Variants in XKR7 observed in about 807,000 individuals in gnomAD.
The protein encoded by XKR7 is XK related 7.
XKR7 carries 11 observed loss-of-function variants against 42.2 expected under a neutral mutation model. The ratio of observed to expected loss-of-function variants is 0.26; its 90% confidence interval spans 0.16 to 0.43. The LOEUF is 0.43. XKR7 is among the 20% of genes least tolerant of loss of function. The probability of loss-of-function intolerance (pLI) is 1.00; values close to 1 mark genes in which losing one functional copy is unlikely to be tolerated. For missense variants in XKR7, 710 were observed against 802.2 expected, an observed-to-expected ratio of 0.89 and a Z score of 1.39; for synonymous variants, 346 against 366.4, an observed-to-expected ratio of 0.94 and a Z score of 0.64.
chr20:31,987,765 A>G (rs963881420), intron 1 of XKR7, among the ~76,000 whole-genome samples: 3 of 152,234 alleles, frequency 2.0e-5, no homozygotes, highest in Admixed American at 6.5e-5. Flanking sequence ...TCTGGCATCC[A>G]GGGGACAGAG....
chr20:31,990,396 C>T (rs1386456736), intron 1 of XKR7, among the ~76,000 whole-genome samples: 3 of 152,124 alleles, frequency 2.0e-5, no homozygotes, highest in African/African-American at 7.2e-5. Flanking sequence ...GAGAGACTAC[C>T]CAAGGTCACA....
intron 1 of XKR7, among the ~76,000 whole-genome samples, chr20:31,979,870 C>T (rs1203325722): frequency 6.6e-6 from 1 of 152,044 alleles, no homozygotes; most frequent in Non-Finnish European, 1.5e-5. Flanking sequence ...GGGTTTTAGT[C>T]TCTTCTCTGC....
intron 1 of XKR7, among the ~76,000 whole-genome samples, chr20:31,974,799 C>A (rs1225369133): frequency 6.6e-6 from 1 of 152,136 alleles, no homozygotes; most frequent in Non-Finnish European, 1.5e-5. Context: ...GATTACAGTC[C>A]CCTGAACTCA....
chr20:31,971,184 C>G (rs937823391), intron 1 of XKR7, among the ~76,000 whole-genome samples: 10 of 138,632 alleles, frequency 7.2e-5, no homozygotes, highest in African/African-American at 2.8e-4. Flanking sequence ...TGGGTGAGGA[C>G]GGGAACAGTG....
chr20:31,989,169 T>C (rs1033042734), intron 1 of XKR7, among the ~76,000 whole-genome samples: 33 of 152,076 alleles, frequency 2.2e-4, no homozygotes, highest in Middle Eastern at 3.4e-3. Context: ...TGAGAAGGTG[T>C]GAGCTGATGA....
intron 1 of XKR7, among the ~76,000 whole-genome samples, chr20:31,975,066 C>T (rs577069124): frequency 1.6e-3 from 239 of 152,282 alleles, no homozygotes; most frequent in African/African-American, 5.6e-3. Flanking sequence ...GGGCGGAGGG[C>T]TGCCAGGAAA....
rs964066477 is a variant in XKR7 at position 31,999,921 on chromosome 20, C to G, written c.*2464C>G. ...TACACTCCAGGAGACTCCCAAGGGG[C>G]AGGGATGTGCTGGCAGGGCTTGGCA... On this transcript the variant is annotated 3_prime_UTR_variant, in exon 3 of 3. Coordinates refer to ENST00000562532, the MANE Select transcript of XKR7 (RefSeq NM_001011718.2). The G allele has an allele frequency of 6.6e-6, 1 of 152,282 alleles. No homozygotes were observed. Among genetic ancestry groups the G allele is most frequent in the Non-Finnish European group, 1.5e-5 (1 of 68,132 alleles). 9.4% of individuals were successfully genotyped at this position (152,282 alleles called of 1,614,324 possible). A position where few individuals can be genotyped will look rare whatever the true frequency, so the allele number is the denominator to read the frequency against.
chr20:31,988,176 C>G (rs949674534), intron 1 of XKR7, among the ~76,000 whole-genome samples: 1 of 152,134 alleles, frequency 6.6e-6, no homozygotes, highest in Non-Finnish European at 1.5e-5. Flanking sequence ...GACTCAGGAA[C>G]GAAGAACAGG....
At chr20:31,996,403 T>C in intron 2 of XKR7, 102 bp from the exon 3 acceptor site, 2 of 876,974 alleles carry the variant, frequency 2.3e-6, no homozygotes, top group Non-Finnish European at 3.3e-6. Flanking sequence ...CTCACGCCTC[T>C]TCAAAACCCA....
chr20:31,977,081 G>A (rs1028521708), intron 1 of XKR7, among the ~76,000 whole-genome samples: 2 of 152,198 alleles, frequency 1.3e-5, no homozygotes, highest in East Asian at 3.8e-4. Context: ...GGTCTGTTAG[G>A]CCTACATCCA....
chr20:31,989,262 T>C (rs905606681), intron 1 of XKR7, among the ~76,000 whole-genome samples: 4 of 125,492 alleles, frequency 3.2e-5, no homozygotes, highest in African/African-American at 1.4e-4. Context: ...CAAGTCTGGC[T>C]GAGTTTTAGG....
chr20:31,989,278 C>A (rs1055195823), intron 1 of XKR7, among the ~76,000 whole-genome samples: 2 of 117,942 alleles, frequency 1.7e-5, no homozygotes, highest in Non-Finnish European at 3.7e-5. Flanking sequence ...TTAGGACACC[C>A]CCCCCCCAGC....
Position 31,996,764 on chromosome 20 carries a change from C to A in XKR7, c.1047C>A (p.Asp349Glu). 6.2e-7 allele frequency: 1 copy of A among 1,614,102 alleles called. No homozygotes were observed. Among genetic ancestry groups the A allele is most frequent in the Middle Eastern group, 1.6e-4 (1 of 6,062 alleles). Residue 349 changes from aspartate to glutamate, a missense_variant, in exon 3 of 3, where the codon GAC (aspartate) becomes GAA (glutamate). This residue lies in a region of XKR7 where 708 missense variants were observed against 786.2 expected (regional missense o/e 0.90). Coordinates refer to ENST00000562532, the MANE Select transcript of XKR7 (RefSeq NM_001011718.2). ...TCTGGGTCATCCAAGGGGAGACGGA[C>A]TTCTGCATGTCCAAGTGGGAGGAGA... The part of the protein sequence containing the change: ...MTFWVIQGET[D>E]FCMSKWEEII...
At position 31,998,443 on chromosome 20, in the gene XKR7, T is replaced by C. The variant is rs2064607606; in HGVS notation, c.*986T>C. The stretch of plus-strand genomic sequence containing the variant: ...GTTCTAGAGTGCTAGGCTGATAAAA[T>C]GTCCCAGGGAGCCACTCTGATCTGT... On this transcript the variant is annotated 3_prime_UTR_variant, in exon 3 of 3. Transcript: ENST00000562532. 6.6e-6 allele frequency: 1 copy of C among 152,146 alleles called. No individual in the cohort carries two copies. Among genetic ancestry groups the C allele is most frequent in the African/African-American group, 2.4e-5 (1 of 41,390 alleles). The allele number at this position is 152,146 out of a possible 1,614,324, so 9.4% of individuals were successfully genotyped here. A position where few individuals can be genotyped will look rare whatever the true frequency, so the allele number is the denominator to read the frequency against.
Position 31,995,189 on chromosome 20 carries a change from A to C in XKR7, c.706A>C (p.Thr236Pro). Residue 236 changes from threonine (T) to proline (P), a missense_variant, in exon 2 of 3, where the codon ACC (threonine) becomes CCC (proline). Thr to Pro is a conservative substitution (Grantham distance 38, BLOSUM62 -1). Around this residue, in one of 2 missense-constraint regions of XKR7, gnomAD observed 708 missense variants for 786.2 expected, o/e 0.90. Coordinates refer to ENST00000562532, the MANE Select transcript of XKR7 (RefSeq NM_001011718.2). This position sits in a 1 kb window ranked among gnomAD's most constrained non-coding sequence, Gnocchi z 4.1. The stretch of plus-strand genomic sequence containing the variant: ...CGTGAGCATGCTGCGCTTGCTGGAG[A>C]CCTTCCTGCGCAGCGCGCCGCAGCT... ...ADVSMLRLLETFLRSAPQLVL... is the reference protein window; with the variant it reads ...ADVSMLRLLEPFLRSAPQLVL... 1 of 1,548,232 alleles carries C rather than the reference A, an allele frequency of 6.5e-7. No individual in the cohort carries two copies. Among genetic ancestry groups the C allele is most frequent in the Non-Finnish European group, 8.7e-7 (1 of 1,146,598 alleles).
chr20:31,993,672 G>A (rs2064579348), intron 1 of XKR7, among the ~76,000 whole-genome samples: 1 of 152,218 alleles, frequency 6.6e-6, no homozygotes, highest in East Asian at 1.9e-4. Context: ...TGAGGATGCA[G>A]CACTTAGCAA....
At chr20:31,978,785 C>T (rs1244130468) in intron 1 of XKR7, among the ~76,000 whole-genome samples, 1 of 152,170 alleles carries the variant, frequency 6.6e-6, no homozygotes, top group Non-Finnish European at 1.5e-5. Flanking sequence ...ATTTCCTTCC[C>T]TTCCGTGTTA....
intron 1 of XKR7, among the ~76,000 whole-genome samples, chr20:31,980,092 C>A (rs2064504712): frequency 6.8e-6 from 1 of 146,940 alleles, no homozygotes; most frequent in South Asian, 2.1e-4. Flanking sequence ...TCAGTTAGGG[C>A]CTAAAATTAG....
At chr20:31,976,488 G>A (rs1194526981) in intron 1 of XKR7, among the ~76,000 whole-genome samples, 2 of 151,864 alleles carry the variant, frequency 1.3e-5, no homozygotes, top group East Asian at 1.9e-4. Context: ...CGGTTCAAGC[G>A]ATTCTCCTGC....
Sources: allele counts gnomAD v4.1 joint callset (sites outside exome capture counted in the v4.1 genomes callset), GRCh38; gene constraint gnomAD v4.1.1; regional missense constraint gnomAD v4.1.1; non-coding constraint Gnocchi (gnomAD v3.1); transcripts MANE v1.5; gene names NCBI Gene and HGNC (gene_info 2026-07-23, HGNC 2026-07-21).